The following LRIT1 variants were observed in gnomAD, a reference collection of about 807,000 sequenced individuals.
The protein encoded by LRIT1 is leucine-rich repeat, immunoglobulin-like domain and transmembrane domain-containing protein 1.
LRIT1 carries 23 observed loss-of-function variants against 24.0 expected under a neutral mutation model. That is an observed-to-expected ratio of 0.96 (90% CI 0.69 to 1.36). The LOEUF (loss-of-function observed/expected upper bound fraction) is 1.36, where lower values mean the gene tolerates loss of function less well. Among genes scored for constraint, LRIT1 ranks in the 40% most tolerant of loss-of-function variants. The pLI is 0.00. For synonymous variants in LRIT1, 361 were observed against 340.5 expected, an observed-to-expected ratio of 1.06 and a Z score of -0.66; for missense variants, 846 against 806.3, an observed-to-expected ratio of 1.05 and a Z score of -0.60.
Position 84,232,027 on chromosome 10 carries a change from CTG to C in LRIT1, c.1770_1771del (p.His590GlnfsTer6), listed in dbSNP as rs1294571692. 1.2e-6 allele frequency: 2 copies of C among 1,614,168 alleles called. No individual in the cohort carries two copies. The highest frequency in any genetic ancestry group is 3.3e-5 in the Admixed American group (2 of 60,018). On this transcript the variant is annotated frameshift_variant, in exon 4 of 4. Coordinates refer to ENST00000372105, the MANE Select transcript of LRIT1 (RefSeq NM_015613.3). LOFTEE classifies it high-confidence loss of function. Reference sequence around the variant, plus strand: ...GAGAAGCCTGTCAGCCTCGCTGACACTGTGCCGGGACAGCTCCTCCAAGCCGT... The same window carrying C: ...GAGAAGCCTGTCAGCCTCGCTGACACTGCCGGGACAGCTCCTCCAAGCCGT...
intron 3 of LRIT1, 112 bp from the exon 4 acceptor site, chr10:84,233,015 G>A: frequency 8.6e-7 from 1 of 1,169,468 alleles, no homozygotes; most frequent in Admixed American, 2.6e-5. Flanking sequence ...GTCATCGTAA[G>A]AAAACACTGG....
At chr10:84,234,442 C>G in intron 2 of LRIT1, 64 bp from the exon 3 acceptor site, 1 of 1,328,550 alleles carries the variant, frequency 7.5e-7, no homozygotes, top group Non-Finnish European at 1.0e-6. Context: ...GGCCCAGCAC[C>G]CCTTCCCCTC....
At chr10:84,233,810 G>A (rs921237036) in intron 3 of LRIT1, among the ~76,000 whole-genome samples, 4 of 152,186 alleles carry the variant, frequency 2.6e-5, no homozygotes, top group African/African-American at 9.7e-5. Context: ...TCAGCTTTTT[G>A]TTCTCTCAGG....
At chr10:84,240,540 A>G (rs1293653212) in intron 1 of LRIT1, among the ~76,000 whole-genome samples, 1 of 152,220 alleles carries the variant, frequency 6.6e-6, no homozygotes, top group Non-Finnish European at 1.5e-5. Context: ...TGGAGAAAAG[A>G]TGATTTAAAC....
intron 1 of LRIT1, among the ~76,000 whole-genome samples, chr10:84,240,967 G>GA (rs1842686467): frequency 6.6e-6 from 1 of 151,748 alleles, no homozygotes; most frequent in African/African-American, 2.4e-5. Flanking sequence ...AGAGGGAATA[G>GA]AAAAAATAAA....
At chr10:84,239,743 A>C (rs1248172498) in intron 1 of LRIT1, among the ~76,000 whole-genome samples, 2 of 152,188 alleles carry the variant, frequency 1.3e-5, no homozygotes, top group East Asian at 3.9e-4. Context: ...TTCACGATAC[A>C]ACAGCTCAGA....
rs766722949 is a variant in LRIT1, at chr10:84,232,305, GAC to G, written c.1492_1493del (p.Val498LeufsTer19). 1 of 1,614,030 alleles carries G rather than the reference GAC, an allele frequency of 6.2e-7. No homozygotes were observed. The highest frequency in any genetic ancestry group is 1.1e-5 in the South Asian group (1 of 91,062). ...TCCGGGGCACCAGGCCCTGCACACA[GAC>G]ACACGCCACATACTTGGTCTTGGGC... ...LLPKTKYVAC[V>X]CVQGLVPRKE... is the part of the protein sequence containing the mutation. On this transcript the variant is annotated frameshift_variant, in exon 4 of 4. Coordinates refer to ENST00000372105, the MANE Select transcript of LRIT1 (RefSeq NM_015613.3). LOFTEE classifies it high-confidence loss of function.
At chr10:84,239,337 C>T (rs1842675227) in intron 1 of LRIT1, among the ~76,000 whole-genome samples, 1 of 152,184 alleles carries the variant, frequency 6.6e-6, no homozygotes, top group Admixed American at 6.5e-5. Flanking sequence ...CCCAGCTACT[C>T]AGAAGGCTGA....
chr10:84,239,702 C>T (rs1201414830), intron 1 of LRIT1, among the ~76,000 whole-genome samples: 1 of 152,190 alleles, frequency 6.6e-6, no homozygotes, highest in Non-Finnish European at 1.5e-5. Context: ...CCAGCTCCTC[C>T]CAGGCAACCC....
chr10:84,240,948 T>C (rs1436076106), intron 1 of LRIT1, among the ~76,000 whole-genome samples: 1 of 151,444 alleles, frequency 6.6e-6, no homozygotes, highest in Non-Finnish European at 1.5e-5. Context: ...TGGGGAAATA[T>C]AGAAAAGAAG....
chr10:84,235,937 G>T (rs1842643737), intron 2 of LRIT1, among the ~76,000 whole-genome samples: 1 of 150,168 alleles, frequency 6.7e-6, no homozygotes, highest in Non-Finnish European at 1.5e-5. Context: ...TGTCTAATAT[G>T]CACACTCTGT....
Position 84,241,441 on chromosome 10 carries a change from G to A in LRIT1, c.-2C>T, listed in dbSNP as rs1179028438. The A allele has an allele frequency of 2.6e-6, 4 of 1,564,026 alleles. No homozygotes were observed. The highest frequency in any genetic ancestry group is 2.0e-4 in the Middle Eastern group (1 of 5,086). ...GAGCATGCCTAATGCCACCCTCATG[G>A]CTCCTGGCTCCTCTCTGGCCCAGGC... On this transcript the variant is annotated 5_prime_UTR_variant, in exon 1 of 4. Coordinates refer to ENST00000372105, the MANE Select transcript of LRIT1 (RefSeq NM_015613.3).
At chr10:84,236,421 G>A (rs949033761) in intron 2 of LRIT1, among the ~76,000 whole-genome samples, 3 of 152,188 alleles carry the variant, frequency 2.0e-5, no homozygotes, top group South Asian at 4.1e-4. Flanking sequence ...GTATAAATAT[G>A]TTTATAACAT....
rs1842628872 is a variant in LRIT1, at chr10:84,234,222, C to T, written c.746G>A (p.Arg249Lys). The T allele has an allele frequency of 6.2e-7, 1 of 1,614,088 alleles. No homozygotes were observed. Among genetic ancestry groups the T allele is most frequent in the Non-Finnish European group, 8.5e-7 (1 of 1,180,016 alleles). The change falls in exon 3 of 4, where the codon AGG becomes AAG. Residue 249 changes from arginine (R) to lysine (K), a missense_variant. By Grantham distance (26) the Arg-to-Lys change is conservative. Coordinates refer to ENST00000372105, the MANE Select transcript of LRIT1 (RefSeq NM_015613.3). The stretch of plus-strand genomic sequence containing the variant: ...ATGGAGCTCTGGGCCCTGGCACTTC[C>T]TCAGTTCAAGCTGGCTGAAGGCCAC... ...AGVAFSQLELRKCQGPELHPG... is the reference protein window; with the variant it reads ...AGVAFSQLELKKCQGPELHPG...
At position 84,241,314 on chromosome 10, in the gene LRIT1, A is replaced by G; in HGVS notation, c.122+4T>C. Reference sequence around the variant, plus strand: ...CTGCCCGTCCCACGCACCCGGTACCATACCTGGCCTTGCTGCCATCACCCA... The same window carrying G: ...CTGCCCGTCCCACGCACCCGGTACCGTACCTGGCCTTGCTGCCATCACCCA... On this transcript the variant is annotated splice_donor_region_variant and intron_variant, in intron 1 of 3. Transcript: ENST00000372105. 1.2e-6 allele frequency: 2 copies of G among 1,613,884 alleles called. No homozygotes were observed. The highest frequency in any genetic ancestry group is 1.7e-4 in the Middle Eastern group (1 of 6,060).
intron 2 of LRIT1, 36 bp downstream of exon 2, chr10:84,237,184 T>C (rs1842655111): frequency 3.5e-6 from 5 of 1,445,772 alleles, no homozygotes; most frequent in Middle Eastern, 2.3e-4. Flanking sequence ...CGTGGTAACT[T>C]GCCTAAGACC....
At chr10:84,233,499 G>T (rs532292771) in intron 3 of LRIT1, among the ~76,000 whole-genome samples, 1 of 109,798 alleles carries the variant, frequency 9.1e-6, no homozygotes, top group Non-Finnish European at 1.7e-5. Context: ...TTTTGCAAAG[G>T]TGATCAGCTA....
At chr10:84,241,232 G>T (rs1842688084) in intron 1 of LRIT1, 86 bp downstream of exon 1, 5 of 1,590,864 alleles carry the variant, frequency 3.1e-6, no homozygotes, top group Non-Finnish European at 4.3e-6. Flanking sequence ...CCTCACCCAG[G>T]GCCCCAGCTC....
chr10:84,231,583 C>A lies in LRIT1; in HGVS notation c.*344G>T. On this transcript the variant is annotated 3_prime_UTR_variant, in exon 4 of 4. Coordinates refer to ENST00000372105, the MANE Select transcript of LRIT1 (RefSeq NM_015613.3). Reference sequence around the variant, plus strand: ...CTGTGAGTGTGAAAATAAGTGTTCACTGCTATACATCACCAAGATTTTGCT... The same window carrying A: ...CTGTGAGTGTGAAAATAAGTGTTCAATGCTATACATCACCAAGATTTTGCT... The A allele has an allele frequency of 3.3e-6, 1 of 306,732 alleles. No homozygotes were observed. The highest frequency in any genetic ancestry group is 3.8e-5 in the South Asian group (1 of 26,154). The allele number at this position is 306,732 out of a possible 1,614,324, so 19.0% of individuals were successfully genotyped here. A position where few individuals can be genotyped will look rare whatever the true frequency, so the allele number is the denominator to read the frequency against.
Sources: allele counts gnomAD v4.1 joint callset (sites outside exome capture counted in the v4.1 genomes callset), GRCh38; gene constraint gnomAD v4.1.1; transcripts MANE v1.5; gene names NCBI Gene and HGNC (gene_info 2026-07-23, HGNC 2026-07-21).